Variants in CEP128 observed in about 807,000 individuals in gnomAD.
The protein encoded by CEP128 is centrosomal protein 128kDa.
Under a neutral mutation model 156.7 loss-of-function variants are expected in CEP128, and 132 were observed. The ratio of observed to expected loss-of-function variants is 0.84; its 90% CI spans 0.73 to 0.97. The LOEUF is 0.97. CEP128 is among the 50% of genes least tolerant of loss of function. CEP128 has a pLI of 0.00. For missense variants in CEP128, 1,252 were observed against 1,281.9 expected, an observed-to-expected ratio of 0.98 and a Z score of 0.36; for synonymous variants, 469 against 448.9, an observed-to-expected ratio of 1.04 and a Z score of -0.57.
At chr14:80,821,213 G>T (rs1423075754) in intron 13 of CEP128, among the ~76,000 whole-genome samples, 2 of 152,090 alleles carry the variant, frequency 1.3e-5, no homozygotes, top group Non-Finnish European at 2.9e-5. Flanking sequence ...CTACCTGAAA[G>T]CAAATATCTA....
chr14:80,679,321 T>C (rs780900695), intron 19 of CEP128, among the ~76,000 whole-genome samples: 9 of 152,162 alleles, frequency 5.9e-5, no homozygotes, highest in Non-Finnish European at 1.0e-4. Context: ...AGAGCGCCTA[T>C]AAACAGACAT....
intron 14 of CEP128, among the ~76,000 whole-genome samples, chr14:80,786,340 C>G (rs186819821): frequency 3.9e-5 from 6 of 152,210 alleles, no homozygotes; most frequent in Admixed American, 2.6e-4. Flanking sequence ...AGATAATCTC[C>G]GTGAAACAGG....
chr14:80,887,000 G>T (rs1310365016), intron 8 of CEP128, among the ~76,000 whole-genome samples: 1 of 152,136 alleles, frequency 6.6e-6, no homozygotes, highest in East Asian at 1.9e-4. Flanking sequence ...TGATAAAACA[G>T]ACTTTAAAAC....
intron 19 of CEP128, among the ~76,000 whole-genome samples, chr14:80,587,799 T>G (rs1293831067): frequency 6.6e-6 from 1 of 152,150 alleles, no homozygotes; most frequent in South Asian, 2.1e-4. Flanking sequence ...ATTGTAAACA[T>G]TATTTCAAGA....
At chr14:80,695,449 C>T (rs1896858308) in intron 19 of CEP128, among the ~76,000 whole-genome samples, 1 of 151,188 alleles carries the variant, frequency 6.6e-6, no homozygotes, top group Non-Finnish European at 1.5e-5. Context: ...GGCATGGTGG[C>T]TCATGCCTGT....
At chr14:80,765,708 G>T (rs1433593590) in intron 16 of CEP128, among the ~76,000 whole-genome samples, 2 of 152,120 alleles carry the variant, frequency 1.3e-5, no homozygotes, top group African/African-American at 4.8e-5. Context: ...CAAGAAGAAA[G>T]ATATCCTAGA....
chr14:80,677,931 T>C (rs1297326631), intron 19 of CEP128, among the ~76,000 whole-genome samples: 3 of 151,922 alleles, frequency 2.0e-5, no homozygotes, highest in South Asian at 2.1e-4. Context: ...GTCCTGAGTA[T>C]AGAAAACCAC....
At chr14:80,956,911 C>A (rs1001864181) in intron 2 of CEP128, among the ~76,000 whole-genome samples, 1 of 152,154 alleles carries the variant, frequency 6.6e-6, no homozygotes, top group African/African-American at 2.4e-5. Flanking sequence ...TCCATGCTGC[C>A]ACCACAGAAT....
rs527705008 is a variant in CEP128 at position 80,784,912 on chromosome 14, G to A, written c.2194C>T (p.His732Tyr). The A allele has an allele frequency of 3.7e-6, 6 of 1,611,042 alleles. No individual in the cohort carries two copies. The highest frequency in any genetic ancestry group is 3.3e-5 in the South Asian group (3 of 90,474). Residue 732 changes from histidine (H) to tyrosine (Y), a missense_variant, in exon 15 of 25, where the codon CAT becomes TAT. Transcript: ENST00000555265. The part of the protein sequence containing the change: ...FKKEKSEAEN[H>Y]IRTLKAESLE... Reference sequence around the variant, plus strand: ...AGAGGTACCTTCAGAGTCCTGATATGATTCTCAGCCTCACTCTTTTCTTTC... The same window carrying A: ...AGAGGTACCTTCAGAGTCCTGATATAATTCTCAGCCTCACTCTTTTCTTTC...
chr14:80,835,790 G>C (rs1031259166), intron 12 of CEP128, among the ~76,000 whole-genome samples: 2 of 152,040 alleles, frequency 1.3e-5, no homozygotes, highest in African/African-American at 2.4e-5. Flanking sequence ...AAAAAGATAG[G>C]GTACTGACTT....
chr14:80,567,706 T>C (rs932650032), intron 20 of CEP128, among the ~76,000 whole-genome samples: 7 of 152,120 alleles, frequency 4.6e-5, no homozygotes, highest in African/African-American at 1.7e-4. Flanking sequence ...AATTCTCCAG[T>C]GAAACTGCTC....
At chr14:80,655,871 G>T (rs1439038285) in intron 19 of CEP128, among the ~76,000 whole-genome samples, 1 of 152,182 alleles carries the variant, frequency 6.6e-6, no homozygotes, top group Non-Finnish European at 1.5e-5. Context: ...GCCAAAGGAA[G>T]TAAAGGAAGT....
intron 21 of CEP128, among the ~76,000 whole-genome samples, chr14:80,550,421 G>A (rs1890163594): frequency 6.6e-6 from 1 of 151,896 alleles, no homozygotes; most frequent in Non-Finnish European, 1.5e-5. Context: ...TCACAATATT[G>A]TAAAGAATGA....
chr14:80,539,635 A>G (rs1405380052), intron 21 of CEP128, among the ~76,000 whole-genome samples: 1 of 152,176 alleles, frequency 6.6e-6, no homozygotes, highest in Non-Finnish European at 1.5e-5. Context: ...CACCTTGAAA[A>G]AGAACAGAAC....
intron 2 of CEP128, among the ~76,000 whole-genome samples, chr14:80,949,903 C>T (rs559177878): frequency 5.9e-5 from 9 of 152,120 alleles, no homozygotes; most frequent in South Asian, 2.1e-4. Context: ...TATATATATT[C>T]GAATTATCAA....
At chr14:80,633,536 A>G (rs151008374) in intron 19 of CEP128, among the ~76,000 whole-genome samples, 95 of 152,204 alleles carry the variant, frequency 6.2e-4, no homozygotes, top group African/African-American at 2.3e-3. Flanking sequence ...TCTCTCATAT[A>G]TGCCAGGGCC....
rs937105662 is a variant in CEP128, at chr14:80,820,557, T to C, written c.1209+10586A>G. Among the ~76,000 whole-genome samples the C allele has an allele frequency of 1.9e-4, 29 of 152,372 alleles. 1 individual carries two copies. The highest frequency in any genetic ancestry group is 1.2e-3 in the Admixed American group (18 of 15,310). ...AGAGCTCTTCCTCTTCAGTGGGCCT[T>C]TAAGCTCTGCTTATGAATCAGAAAA... On this transcript the variant is annotated intron_variant, in intron 13 of 24. Transcript: ENST00000555265.
intron 2 of CEP128, among the ~76,000 whole-genome samples, chr14:80,954,598 A>G (rs1886558129): frequency 6.6e-6 from 1 of 152,162 alleles, no homozygotes; most frequent in African/African-American, 2.4e-5. Context: ...CATAACCACA[A>G]CTTTTTCCTT....
chr14:80,610,630 C>T lies in CEP128; in HGVS notation c.2807-30207G>A, dbSNP rs147964070. On this transcript the variant is annotated intron_variant, in intron 19 of 24. Coordinates refer to ENST00000555265, the MANE Select transcript of CEP128 (RefSeq NM_152446.5). ...CAGTACCTTATGGGAGAACATTACA[C>T]AAACCCTACCAAAATTAACAATCCG... 5.3e-5 allele frequency among the ~76,000 whole-genome samples: 8 copies of T among 152,188 alleles called. No homozygotes were observed. In the East Asian group the frequency reaches 1.5e-3, roughly 29 times the overall value.
Sources: gnomAD v4.1 joint callset for allele counts (sites outside exome capture counted in the v4.1 genomes callset) on GRCh38, gnomAD v4.1.1 for gene constraint, MANE v1.5 for transcripts, NCBI Gene and HGNC (gene_info 2026-07-23, HGNC 2026-07-21) for gene names.